GRIK4: variants seen among roughly 807,000 people sequenced by gnomAD.
The protein encoded by GRIK4 is glutamate ionotropic receptor kainate type subunit 4.
A neutral mutation model predicts 104.9 loss-of-function variants in GRIK4; 40 were observed. That is an observed-to-expected ratio of 0.38 (90% CI 0.30 to 0.50). The LOEUF is 0.50. Ranked by LOEUF, GRIK4 falls within the 20% of genes least tolerant of loss-of-function variation. The probability of loss-of-function intolerance (pLI) is 0.93; values close to 1 mark genes in which losing one functional copy is unlikely to be tolerated. For missense variants in GRIK4, 1,047 were observed against 1,308.1 expected, an observed-to-expected ratio of 0.80 and a Z score of 3.08; for synonymous variants, 485 against 524.9, an observed-to-expected ratio of 0.92 and a Z score of 1.04.
chr11:120,838,773 G>A (rs180772470), intron 8 of GRIK4, among the ~76,000 whole-genome samples: 7 of 145,046 alleles, frequency 4.8e-5, no homozygotes, highest in Admixed American at 4.7e-4. Context: ...TTTTGTTTTT[G>A]TGTGTGTGTG....
chr11:120,745,846 G>A (rs1951429385), intron 3 of GRIK4, among the ~76,000 whole-genome samples: 1 of 152,200 alleles, frequency 6.6e-6, no homozygotes, highest in African/African-American at 2.4e-5. Flanking sequence ...CCATCAGTGG[G>A]ACTTGAGAGG....
At chr11:120,674,576 C>G (rs1317071222) in intron 3 of GRIK4, among the ~76,000 whole-genome samples, 7 of 152,360 alleles carry the variant, frequency 4.6e-5, no homozygotes, top group South Asian at 4.1e-4. Flanking sequence ...TGGCTTCCTC[C>G]AAGCTGTGTT....
intron 1 of GRIK4, among the ~76,000 whole-genome samples, chr11:120,630,800 A>AGGGTTCTAGAGTCCTGACT (rs971880580): frequency 2.6e-5 from 4 of 152,242 alleles, no homozygotes; most frequent in Non-Finnish European, 4.4e-5. Context: ...TTCGCTAACC[A>AGGGTTCTAGAGTCCTGACT]GGGTTCTAGA....
chr11:120,821,462 G>A (rs1457037040), intron 6 of GRIK4, among the ~76,000 whole-genome samples: 1 of 152,190 alleles, frequency 6.6e-6, no homozygotes, highest in Non-Finnish European at 1.5e-5. Flanking sequence ...GGGGAAGGTA[G>A]CAGAGATCCT....
intron 3 of GRIK4, among the ~76,000 whole-genome samples, chr11:120,664,773 G>A (rs1555036735): frequency 6.6e-6 from 1 of 152,172 alleles, no homozygotes; most frequent in Non-Finnish European, 1.5e-5. Context: ...TACCTCAAAA[G>A]CATTTCTTAA....
chr11:120,906,015 C>T (rs1367039275), intron 13 of GRIK4, among the ~76,000 whole-genome samples: 5 of 152,134 alleles, frequency 3.3e-5, no homozygotes, highest in African/African-American at 4.8e-5. Context: ...GCGTTAATGT[C>T]CTTTTACAGA....
chr11:120,722,661 C>G (rs899671655), intron 3 of GRIK4, among the ~76,000 whole-genome samples: 2 of 152,010 alleles, frequency 1.3e-5, no homozygotes, highest in African/African-American at 2.4e-5. Flanking sequence ...CATCTTGATG[C>G]AGTCTGGAAG....
At chr11:120,561,682 A>G (rs1565550280) in intron 1 of GRIK4, among the ~76,000 whole-genome samples, 1 of 152,184 alleles carries the variant, frequency 6.6e-6, no homozygotes. Context: ...CGATGTGGGT[A>G]AGGCCTCTTT....
intron 4 of GRIK4, among the ~76,000 whole-genome samples, chr11:120,814,215 A>G (rs1952885718): frequency 6.6e-6 from 1 of 152,208 alleles, no homozygotes; most frequent in African/African-American, 2.4e-5. Flanking sequence ...AGAGGAGAGC[A>G]CTAAACAACA....
At chr11:120,620,111 C>G in intron 1 of GRIK4, 1 of 763,710 alleles carries the variant, frequency 1.3e-6, no homozygotes, top group South Asian at 1.4e-5. Context: ...TCGTTCTCAG[C>G]AAAATTGACC....
At chr11:120,529,251 C>T (rs1191511087) in intron 1 of GRIK4, among the ~76,000 whole-genome samples, 3 of 152,186 alleles carry the variant, frequency 2.0e-5, no homozygotes, top group Non-Finnish European at 4.4e-5. Flanking sequence ...GGCATCAAGT[C>T]ACCACATCCA....
intron 12 of GRIK4, among the ~76,000 whole-genome samples, chr11:120,901,373 G>A (rs542004192): frequency 1.3e-5 from 2 of 151,982 alleles, no homozygotes; most frequent in African/African-American, 2.4e-5. Flanking sequence ...TGTTCCTTAT[G>A]CCTGGGTTAC....
At chr11:120,890,800 C>A (rs978961848) in intron 11 of GRIK4, among the ~76,000 whole-genome samples, 1 of 152,136 alleles carries the variant, frequency 6.6e-6, no homozygotes, top group Non-Finnish European at 1.5e-5. Flanking sequence ...GAGCACATGG[C>A]TGAGTGCCCA....
chr11:120,729,291 T>C (rs1475642455), intron 3 of GRIK4, among the ~76,000 whole-genome samples: 10 of 152,212 alleles, frequency 6.6e-5, no homozygotes, highest in African/African-American at 2.4e-4. Flanking sequence ...AGTGGATTCC[T>C]GGATTGTATG....
intron 1 of GRIK4, among the ~76,000 whole-genome samples, chr11:120,525,617 G>A (rs1344310353): frequency 2.6e-5 from 4 of 152,188 alleles, no homozygotes; most frequent in Non-Finnish European, 5.9e-5. Context: ...CCCACACCAA[G>A]GTTAGCCGCG....
chr11:120,813,092 G>C (rs1423762264), intron 4 of GRIK4, among the ~76,000 whole-genome samples: 2 of 152,220 alleles, frequency 1.3e-5, no homozygotes, highest in Non-Finnish European at 2.9e-5. Flanking sequence ...CAGTAGACGA[G>C]GTGGGCGGGG....
At position 120,898,407 on chromosome 11, in the gene GRIK4, G is replaced by A. The variant is rs543848590; in HGVS notation, c.1165-125G>A. ...GTCTCCCTTCTGCAGTTCAGCCCCC[G>A]GCTCCGTACTCCACACCCCTCCCTG... On this transcript the variant is annotated intron_variant, in intron 11 of 20. Transcript: ENST00000527524. 41 of 610,542 alleles carry A rather than the reference G, an allele frequency of 6.7e-5. 1 individual carries two copies. Among genetic ancestry groups the A allele is most frequent in the Middle Eastern group, 2.7e-4 (1 of 3,706 alleles). 37.8% of individuals were successfully genotyped at this position (610,542 alleles called of 1,614,324 possible).
At position 120,903,163 on chromosome 11, in the gene GRIK4, GCA is replaced by G. The variant is rs1441652942; in HGVS notation, c.1273-2123_1273-2122del. Among the ~76,000 whole-genome samples, 1 of 151,968 alleles carries G rather than the reference GCA, an allele frequency of 6.6e-6. No individual in the cohort carries two copies. Among genetic ancestry groups the G allele is most frequent in the African/African-American group, 2.4e-5 (1 of 41,342 alleles). ...AATCGTGATGTGCAGGTTTCTCCAT[GCA>G]CACCTGTACCCAAGCCCGATTGTCC... is the stretch of plus-strand genomic sequence containing the variant. On this transcript the variant is annotated intron_variant, in intron 12 of 20. Coordinates refer to ENST00000527524, the MANE Select transcript of GRIK4 (RefSeq NM_014619.5). This position sits in a 1 kb window ranked among gnomAD's most constrained non-coding sequence, Gnocchi z 4.4.
intron 13 of GRIK4, among the ~76,000 whole-genome samples, chr11:120,921,433 T>C (rs1223401895): frequency 6.6e-6 from 1 of 152,216 alleles, no homozygotes; most frequent in Non-Finnish European, 1.5e-5. Flanking sequence ...ACTTGGAGCC[T>C]GGAACAAAGA....
Sources: gnomAD v4.1 joint callset for allele counts (sites outside exome capture counted in the v4.1 genomes callset) on GRCh38, gnomAD v4.1.1 for gene constraint, Gnocchi (gnomAD v3.1) non-coding constraint, MANE v1.5 for transcripts, NCBI Gene and HGNC (gene_info 2026-07-23, HGNC 2026-07-21) for gene names.